CAMK1D: variants seen among roughly 807,000 people sequenced by gnomAD.
The protein encoded by CAMK1D is calcium/calmodulin-dependent protein kinase type 1D.
A neutral mutation model predicts 47.7 loss-of-function variants in CAMK1D; 9 were observed. The observed-to-expected ratio is 0.19, with a 90% CI of 0.11 to 0.33. The LOEUF is 0.33. CAMK1D is among the 10% of genes least tolerant of loss of function. The probability of loss-of-function intolerance (pLI) is 1.00; values close to 1 mark genes in which losing one functional copy is unlikely to be tolerated. For synonymous variants in CAMK1D, 184 were observed against 184.9 expected (o/e 0.99, Z 0.04); for missense variants, 291 against 488.7 (o/e 0.60, Z 3.81).
chr10:12,504,281 G>A (rs1011601835), intron 1 of CAMK1D, among the ~76,000 whole-genome samples: 5 of 151,122 alleles, frequency 3.3e-5, no homozygotes, highest in Non-Finnish European at 5.9e-5. Context: ...GAAAGCCAGC[G>A]GTATAATTCA....
At chr10:12,440,755 A>G (rs1832764161) in intron 1 of CAMK1D, among the ~76,000 whole-genome samples, 1 of 152,224 alleles carries the variant, frequency 6.6e-6, no homozygotes, top group Non-Finnish European at 1.5e-5. Flanking sequence ...GTGATAAAAC[A>G]TGGTTCCTGT....
Position 12,655,252 on chromosome 10 carries a change from CGA to C in CAMK1D, c.225-11476_225-11475del, listed in dbSNP as rs1479890708. 1.1e-4 allele frequency among the ~76,000 whole-genome samples: 17 copies of C among 151,946 alleles called. No homozygotes were observed. In the East Asian group the frequency reaches 3.3e-3, roughly 29 times the overall value. ...GCATGTCACATGGTGAAAGCAGGAT[CGA>C]GAGAGAGTGGGAGGGGGAGGTGCCA... On this transcript the variant is annotated intron_variant, in intron 2 of 10. Coordinates refer to ENST00000619168, the MANE Select transcript of CAMK1D (RefSeq NM_153498.4).
intron 1 of CAMK1D, among the ~76,000 whole-genome samples, chr10:12,425,576 T>C (rs1443653223): frequency 6.6e-6 from 1 of 151,870 alleles, no homozygotes; most frequent in Non-Finnish European, 1.5e-5. Flanking sequence ...GCCACCGCCC[T>C]CAGCCAAGGT....
At chr10:12,821,653 C>G (rs978526677) in intron 8 of CAMK1D, among the ~76,000 whole-genome samples, 1 of 152,220 alleles carries the variant, frequency 6.6e-6, no homozygotes, top group Non-Finnish European at 1.5e-5. Context: ...TACGTAAATG[C>G]TATCTGCATT....
intron 1 of CAMK1D, among the ~76,000 whole-genome samples, chr10:12,387,761 A>G (rs1480264423): frequency 6.6e-6 from 1 of 151,956 alleles, no homozygotes; most frequent in Non-Finnish European, 1.5e-5. Context: ...AAATGCTAGC[A>G]TTACAGGCAT....
intron 3 of CAMK1D, among the ~76,000 whole-genome samples, chr10:12,723,118 G>A (rs375977549): frequency 2.0e-5 from 3 of 152,134 alleles, no homozygotes; most frequent in African/African-American, 7.2e-5. Flanking sequence ...GTCAGGCAGT[G>A]GGCTTGTGTA....
In CAMK1D at chr10:12,418,877, A is replaced by T. The variant is rs560713575; in HGVS notation, c.92+68967A>T. ...AGTGACCGTCCACCCCTGCCGAGGG[A>T]TGTCCTGCAGAGTGGCCATAGATGG... On this transcript the variant is annotated intron_variant, in intron 1 of 10. Coordinates refer to ENST00000619168, the MANE Select transcript of CAMK1D (RefSeq NM_153498.4). Among the ~76,000 whole-genome samples, 23 of 152,274 alleles carry T rather than the reference A, an allele frequency of 1.5e-4. No individual in the cohort carries two copies. The South Asian group carries it at 4.6e-3, about 30-fold the overall frequency.
chr10:12,513,264 C>T (rs1835094087), intron 1 of CAMK1D, among the ~76,000 whole-genome samples: 1 of 152,116 alleles, frequency 6.6e-6, no homozygotes, highest in South Asian at 2.1e-4. Context: ...ACGCGGGCAG[C>T]CCTGGGGAAG....
intron 2 of CAMK1D, among the ~76,000 whole-genome samples, chr10:12,557,805 G>T (rs1836813440): frequency 6.6e-6 from 1 of 152,264 alleles, no homozygotes; most frequent in Non-Finnish European, 1.5e-5. Context: ...GACCACCAGG[G>T]GACTGCTAAG....
At chr10:12,649,142 C>G (rs1270414440) in intron 2 of CAMK1D, among the ~76,000 whole-genome samples, 1 of 152,308 alleles carries the variant, frequency 6.6e-6, no homozygotes, top group South Asian at 2.1e-4. Context: ...GCTGGGATGA[C>G]AGGCACGTGC....
chr10:12,384,922 A>T (rs763867512), intron 1 of CAMK1D, among the ~76,000 whole-genome samples: 2 of 152,250 alleles, frequency 1.3e-5, no homozygotes, highest in Non-Finnish European at 2.9e-5. Context: ...AAAAACTTTT[A>T]TAACTCAATA....
intron 6 of CAMK1D, among the ~76,000 whole-genome samples, chr10:12,799,266 T>C (rs1452159824): frequency 1.3e-5 from 2 of 148,282 alleles, no homozygotes; most frequent in East Asian, 3.9e-4. Flanking sequence ...AGAAGTGCAT[T>C]GTTGGGAGTC....
At chr10:12,763,687 A>G (rs1029431147) in intron 4 of CAMK1D, among the ~76,000 whole-genome samples, 3 of 152,204 alleles carry the variant, frequency 2.0e-5, no homozygotes, top group Non-Finnish European at 4.4e-5. Context: ...AATTGCCCCT[A>G]GTTGAGAATC....
chr10:12,824,374 C>T, intron 8 of CAMK1D, 91 bp from the exon 9 acceptor site: 1 of 1,112,154 alleles, frequency 9.0e-7, no homozygotes, highest in Non-Finnish European at 1.4e-6. Flanking sequence ...AGCCTCGGCT[C>T]TCCTGAGGCT....
intron 1 of CAMK1D, among the ~76,000 whole-genome samples, chr10:12,488,985 G>C (rs1834298723): frequency 6.6e-6 from 1 of 152,132 alleles, no homozygotes; most frequent in South Asian, 2.1e-4. Flanking sequence ...GCCCAGGCTA[G>C]AGTGCAGTGG....
chr10:12,396,743 T>C (rs1368162631), intron 1 of CAMK1D, among the ~76,000 whole-genome samples: 1 of 152,232 alleles, frequency 6.6e-6, no homozygotes, highest in Non-Finnish European at 1.5e-5. Context: ...GCAGCAGCTG[T>C]TGCTGGTTCA....
chr10:12,468,929 T>TA (rs1419219068), intron 1 of CAMK1D, among the ~76,000 whole-genome samples: 1 of 152,152 alleles, frequency 6.6e-6, no homozygotes, highest in East Asian at 1.9e-4. Flanking sequence ...TGCTTCTTTT[T>TA]ATTCATTATT....
intron 4 of CAMK1D, among the ~76,000 whole-genome samples, chr10:12,765,321 C>T (rs934622795): frequency 6.6e-6 from 1 of 151,820 alleles, no homozygotes; most frequent in Non-Finnish European, 1.5e-5. Flanking sequence ...CATTGCAATG[C>T]CATTGAGCTC....
At chr10:12,683,301 G>A (rs1474111412) in intron 3 of CAMK1D, among the ~76,000 whole-genome samples, 1 of 152,066 alleles carries the variant, frequency 6.6e-6, no homozygotes, top group Non-Finnish European at 1.5e-5. Context: ...TGGCCAAGCT[G>A]GTCTCAAACT....
Sources: gnomAD v4.1 joint callset for allele counts (sites outside exome capture counted in the v4.1 genomes callset) on GRCh38, gnomAD v4.1.1 for gene constraint, MANE v1.5 for transcripts, NCBI Gene and HGNC (gene_info 2026-07-23, HGNC 2026-07-21) for gene names.